The following EFCAB5 variants were observed in gnomAD, a reference collection of about 807,000 sequenced individuals.
EFCAB5 encodes EF-hand calcium-binding domain-containing protein 5.
Under a neutral mutation model 167.9 loss-of-function variants are expected in EFCAB5, and 131 were observed. The ratio of observed to expected loss-of-function variants is 0.78; its 90% CI spans 0.68 to 0.90. EFCAB5 has a LOEUF of 0.90. Among genes scored for constraint, EFCAB5 ranks in the 40% least tolerant of loss-of-function variants. The pLI is 0.00. For synonymous variants in EFCAB5, 574 were observed against 602.8 expected (o/e 0.95, Z 0.70); for missense variants, 1,663 against 1,745.2 (o/e 0.95, Z 0.84).
At chr17:29,965,144 T>C (rs2067803415) in intron 3 of EFCAB5, among the ~76,000 whole-genome samples, 1 of 152,014 alleles carries the variant, frequency 6.6e-6, no homozygotes, top group Non-Finnish European at 1.5e-5. Flanking sequence ...ACCTTGGATT[T>C]GACTTTTTTA....
intron 22 of EFCAB5, among the ~76,000 whole-genome samples, chr17:30,105,419 G>C (rs1005242193): frequency 6.6e-6 from 1 of 152,106 alleles, no homozygotes; most frequent in African/African-American, 2.4e-5. Context: ...CCCAGGAGAC[G>C]GAGGTTGCAG....
At chr17:29,966,404 G>T (rs1306030846) in intron 3 of EFCAB5, among the ~76,000 whole-genome samples, 1 of 152,042 alleles carries the variant, frequency 6.6e-6, no homozygotes, top group Non-Finnish European at 1.5e-5. Flanking sequence ...GCCAAGGTGG[G>T]TGAATCACTT....
At chr17:30,058,427 TTA>T (rs1476727626) in intron 13 of EFCAB5, among the ~76,000 whole-genome samples, 2 of 152,174 alleles carry the variant, frequency 1.3e-5, no homozygotes, top group Non-Finnish European at 1.5e-5. Context: ...ATCATCAGCC[TTA>T]TGAGTCTTTT....
intron 3 of EFCAB5, among the ~76,000 whole-genome samples, chr17:29,962,637 T>C (rs2067744250): frequency 6.6e-6 from 1 of 150,638 alleles, no homozygotes; most frequent in South Asian, 2.1e-4. Context: ...CCTGGCTTTT[T>C]TTTTTTTTTT....
intron 17 of EFCAB5, among the ~76,000 whole-genome samples, chr17:30,082,385 T>A (rs1403110843): frequency 6.8e-6 from 1 of 146,316 alleles, no homozygotes; most frequent in African/African-American, 2.5e-5. Context: ...TCTCTCTTTA[T>A]ACCTCTTTTT....
In EFCAB5 at chr17:30,055,997, T is replaced by C. The variant is rs551034722; in HGVS notation, c.2272+32T>C. 166 of 1,613,374 alleles carry C rather than the reference T, an allele frequency of 1.0e-4. 3 individuals are homozygous for C. The South Asian group carries it at 1.8e-3, about 18-fold the overall frequency. On this transcript the variant is annotated intron_variant, in intron 11 of 22. Coordinates refer to ENST00000394835, the MANE Select transcript of EFCAB5 (RefSeq NM_198529.4). ...CCTCATTTAATCCTCCTTTCATTTATACCCTAGAACAAAAATATTGTGAAA... is the reference window on the plus strand; with the variant it reads ...CCTCATTTAATCCTCCTTTCATTTACACCCTAGAACAAAAATATTGTGAAA...
upstream of EFCAB5, among the ~76,000 whole-genome samples, chr17:29,938,101 AT>A (rs1597548589): frequency 1.3e-5 from 2 of 152,228 alleles, no homozygotes; most frequent in East Asian, 3.9e-4. Flanking sequence ...CTAAAATTAT[AT>A]TTTTGGCCCT....
At chr17:30,014,724 A>T (rs113046362) in intron 7 of EFCAB5, among the ~76,000 whole-genome samples, 2,602 of 152,248 alleles carry the variant, frequency 0.017, 74 homozygotes, top group African/African-American at 0.058. Context: ...TCCTGAGTAC[A>T]GCACACTGAT....
At chr17:29,983,716 C>T (rs1293959176) in intron 4 of EFCAB5, among the ~76,000 whole-genome samples, 2 of 152,106 alleles carry the variant, frequency 1.3e-5, no homozygotes, top group Admixed American at 1.3e-4. Context: ...ATGCAGGCTA[C>T]AGAAGACAAA....
At chr17:30,105,813 T>C (rs970618302) in intron 22 of EFCAB5, among the ~76,000 whole-genome samples, 8 of 152,170 alleles carry the variant, frequency 5.3e-5, no homozygotes, top group Non-Finnish European at 1.0e-4. Context: ...GGGTGGTGTG[T>C]GTGTGTGCGT....
At chr17:29,993,411 C>T (rs2068467399) in intron 5 of EFCAB5, 90 bp downstream of exon 5, 1 of 1,337,536 alleles carries the variant, frequency 7.5e-7, no homozygotes, top group Non-Finnish European at 9.9e-7. Flanking sequence ...CTAGAAGCCT[C>T]CCTTGAAATT....
At chr17:29,984,520 C>A (rs1046874454) in intron 4 of EFCAB5, among the ~76,000 whole-genome samples, 1 of 151,958 alleles carries the variant, frequency 6.6e-6, no homozygotes, top group African/African-American at 2.4e-5. Context: ...GAGATTGAGA[C>A]CAGCCTGGCC....
chr17:30,022,894 C>T (rs1009731535), intron 7 of EFCAB5, among the ~76,000 whole-genome samples: 6 of 152,134 alleles, frequency 3.9e-5, no homozygotes, highest in Non-Finnish European at 7.4e-5. Context: ...AACCACTCAA[C>T]TAAATGGAAA....
chr17:30,025,124 G>A (rs1483157697), intron 7 of EFCAB5, among the ~76,000 whole-genome samples: 62 of 151,912 alleles, frequency 4.1e-4, no homozygotes, highest in Non-Finnish European at 7.4e-5. Context: ...ATAGGCATGG[G>A]CAAGGACCAA....
At chr17:30,051,265 CACTGATATGT>C in intron 9 of EFCAB5, 48 bp downstream of exon 9, 1 of 1,500,046 alleles carries the variant, frequency 6.7e-7, no homozygotes, top group Non-Finnish European at 9.3e-7. Context: ...TGTCGCAGTG[CACTGATATGT>C]ACTGATATGA....
intron 4 of EFCAB5, among the ~76,000 whole-genome samples, chr17:29,985,564 T>A (rs905272759): frequency 1.3e-5 from 2 of 152,218 alleles, no homozygotes; most frequent in Non-Finnish European, 2.9e-5. Context: ...AAGCCAGTGA[T>A]AAGCATTGTT....
chr17:30,003,335 A>G (rs960013342), intron 7 of EFCAB5, among the ~76,000 whole-genome samples: 12 of 152,054 alleles, frequency 7.9e-5, no homozygotes, highest in Non-Finnish European at 1.6e-4. Flanking sequence ...TCCCAGGCCC[A>G]AGCCATCCTC....
At chr17:30,008,778 A>G (rs974215681) in intron 7 of EFCAB5, among the ~76,000 whole-genome samples, 7 of 152,176 alleles carry the variant, frequency 4.6e-5, no homozygotes, top group African/African-American at 1.7e-4. Flanking sequence ...GATATAATTT[A>G]CAAACTGCAT....
intron 2 of EFCAB5, among the ~76,000 whole-genome samples, chr17:29,942,760 A>G (rs1324994901): frequency 2.0e-5 from 3 of 152,130 alleles, no homozygotes; most frequent in Admixed American, 6.5e-5. Flanking sequence ...AAAATATCCT[A>G]TTGATTGTCG....
Sources: allele counts gnomAD v4.1 joint callset (sites outside exome capture counted in the v4.1 genomes callset), GRCh38; gene constraint gnomAD v4.1.1; transcripts MANE v1.5; gene names NCBI Gene and HGNC (gene_info 2026-07-23, HGNC 2026-07-21).